The following TAFA5 variants were observed in gnomAD, a reference collection of about 807,000 sequenced individuals.
TAFA5 encodes the protein TAFA chemokine like family member 5, also known as chemokine-like protein TAFA-5.
Under a neutral mutation model 15.3 loss-of-function variants are expected in TAFA5, and 6 were observed. The observed-to-expected ratio is 0.39, with a 90% CI of 0.21 to 0.77. The LOEUF is 0.77. Among genes scored for constraint, TAFA5 ranks in the 30% least tolerant of loss-of-function variants. The pLI, the probability that TAFA5 is intolerant of heterozygous loss-of-function variation, is 0.41. For missense variants in TAFA5, 161 were observed against 193.1 expected (o/e 0.83, Z 0.98); for synonymous variants, 103 against 80.7 (o/e 1.28, Z -1.48).
chr22:48,523,700 AG>A (rs1287219647), intron 1 of TAFA5, among the ~76,000 whole-genome samples: 1 of 152,230 alleles, frequency 6.6e-6, no homozygotes, highest in Non-Finnish European at 1.5e-5. Flanking sequence ...GGGCCCAGGA[AG>A]GAGCCGCTCC....
At chr22:48,686,707 T>A (rs1928364971) in intron 2 of TAFA5, among the ~76,000 whole-genome samples, 1 of 151,510 alleles carries the variant, frequency 6.6e-6, no homozygotes, top group Non-Finnish European at 1.5e-5. Context: ...GATAGGTTGA[T>A]GGATGCTTGA....
chr22:48,725,245 A>G lies in TAFA5; in HGVS notation c.390+17401A>G, dbSNP rs1297841347. Among the ~76,000 whole-genome samples, 3 of 152,336 alleles carry G rather than the reference A, an allele frequency of 2.0e-5. No individual in the cohort carries two copies. The South Asian group carries it at 6.2e-4, about 32-fold the overall frequency. On this transcript the variant is annotated intron_variant, in intron 3 of 3. Transcript: ENST00000402357. ...CGAGACTGGAGACGAGCTCCCCGCC[A>G]TGCCCCATGGCTCATTCTAGACCAG...
chr22:48,743,389 G>T (rs1930237609), intron 3 of TAFA5, among the ~76,000 whole-genome samples: 1 of 152,228 alleles, frequency 6.6e-6, no homozygotes, highest in Non-Finnish European at 1.5e-5. Flanking sequence ...CCTGAGTCCA[G>T]ATTTCCTTCT....
chr22:48,501,321 C>T (rs1279200757), intron 1 of TAFA5, among the ~76,000 whole-genome samples: 1 of 152,250 alleles, frequency 6.6e-6, no homozygotes, highest in African/African-American at 2.4e-5. Context: ...CCCCAACCTG[C>T]TCTGAGCAAA....
chr22:48,553,599 G>A (rs929625569), intron 1 of TAFA5, among the ~76,000 whole-genome samples: 1 of 152,176 alleles, frequency 6.6e-6, no homozygotes, highest in Admixed American at 6.5e-5. Flanking sequence ...AGGCACCACT[G>A]TCCTTGACTC....
intron 2 of TAFA5, among the ~76,000 whole-genome samples, chr22:48,663,752 T>A (rs1208768248): frequency 6.6e-6 from 1 of 152,226 alleles, no homozygotes; most frequent in African/African-American, 2.4e-5. Context: ...CCTGGCATAT[T>A]CACACTGTCC....
Position 48,734,169 on chromosome 22 carries a change from CAGAA to C in TAFA5, c.391-15667_391-15664del, listed in dbSNP as rs373825878. On this transcript the variant is annotated intron_variant, in intron 3 of 3. Coordinates refer to ENST00000402357, the MANE Select transcript of TAFA5 (RefSeq NM_001082967.3). ...GAAAACTATTGATCACAGCAGAAAA[CAGAA>C]AGTAACTTGAAAGAACATGAGTAAG... is the stretch of plus-strand genomic sequence containing the variant. Among the ~76,000 whole-genome samples, 594 of 152,254 alleles carry C rather than the reference CAGAA, an allele frequency of 3.9e-3. 3 individuals are homozygous for C. The highest frequency in any genetic ancestry group is 0.013 in the African/African-American group (556 of 41,566).
intron 2 of TAFA5, among the ~76,000 whole-genome samples, chr22:48,691,005 A>G (rs938004746): frequency 6.6e-6 from 1 of 152,110 alleles, no homozygotes; most frequent in Admixed American, 6.5e-5. Flanking sequence ...CATCAGGAAG[A>G]TGCTTGACCC....
chr22:48,513,558 G>T (rs751844329), intron 1 of TAFA5, among the ~76,000 whole-genome samples: 1 of 152,212 alleles, frequency 6.6e-6, no homozygotes, highest in Non-Finnish European at 1.5e-5. Context: ...TCCAGGACCC[G>T]GAGGCTTCCC....
intron 1 of TAFA5, among the ~76,000 whole-genome samples, chr22:48,503,558 C>G (rs2147097290): frequency 6.6e-6 from 1 of 152,378 alleles, no homozygotes; most frequent in South Asian, 2.1e-4. Context: ...CCCAGTCTGT[C>G]TCAGCACTTT....
At chr22:48,638,645 C>CCA (rs1491229480) in intron 1 of TAFA5, among the ~76,000 whole-genome samples, 1 of 131,848 alleles carries the variant, frequency 7.6e-6, no homozygotes, top group African/African-American at 3.0e-5. Flanking sequence ...CAACCCCCCC[C>CCA]ACACACTAAG....
chr22:48,510,481 C>T (rs1332523044), intron 1 of TAFA5, among the ~76,000 whole-genome samples: 1 of 152,252 alleles, frequency 6.6e-6, no homozygotes, highest in African/African-American at 2.4e-5. Context: ...AACAGACTGG[C>T]TATTAGTGAT....
At chr22:48,508,643 G>A (rs1284587728) in intron 1 of TAFA5, among the ~76,000 whole-genome samples, 1 of 152,184 alleles carries the variant, frequency 6.6e-6, no homozygotes, top group Non-Finnish European at 1.5e-5. Context: ...CAACCTAACT[G>A]CAGTTGCCCC....
chr22:48,593,977 A>G (rs1190224695), intron 1 of TAFA5, among the ~76,000 whole-genome samples: 1 of 152,098 alleles, frequency 6.6e-6, no homozygotes, highest in Admixed American at 6.5e-5. Flanking sequence ...TATTTTCTCT[A>G]TCTTCTGAAG....
At chr22:48,492,357 G>A (rs1372565451) in intron 1 of TAFA5, among the ~76,000 whole-genome samples, 1 of 152,190 alleles carries the variant, frequency 6.6e-6, no homozygotes, top group Non-Finnish European at 1.5e-5. Flanking sequence ...GTATCATACA[G>A]CGTTCAATTA....
At chr22:48,722,456 A>G (rs1929597365) in intron 3 of TAFA5, among the ~76,000 whole-genome samples, 1 of 152,206 alleles carries the variant, frequency 6.6e-6, no homozygotes, top group African/African-American at 2.4e-5. Context: ...TAACAACAGG[A>G]ACAGAAAACC....
intron 3 of TAFA5, among the ~76,000 whole-genome samples, chr22:48,729,294 T>G (rs953725116): frequency 6.2e-5 from 9 of 144,510 alleles, no homozygotes; most frequent in African/African-American, 1.7e-4. Context: ...TATAATAATT[T>G]TATATTTATT....
chr22:48,746,681 C>T (rs377202181), intron 3 of TAFA5, among the ~76,000 whole-genome samples: 5 of 152,292 alleles, frequency 3.3e-5, no homozygotes, highest in East Asian at 1.9e-4. Context: ...GGGAGGTGTG[C>T]CCCGCCCTGG....
At chr22:48,734,102 T>C (rs143239371) in intron 3 of TAFA5, among the ~76,000 whole-genome samples, 1 of 152,326 alleles carries the variant, frequency 6.6e-6, no homozygotes, top group East Asian at 1.9e-4. Context: ...TGTTTCAAAC[T>C]AATGATTTAA....
Sources: allele counts gnomAD v4.1 joint callset (sites outside exome capture counted in the v4.1 genomes callset), GRCh38; gene constraint gnomAD v4.1.1; transcripts MANE v1.5; gene names NCBI Gene and HGNC (gene_info 2026-07-23, HGNC 2026-07-21).